The following NR6A1 variants were observed in gnomAD, a reference collection of about 807,000 sequenced individuals.
NR6A1 encodes the protein nuclear receptor subfamily 6 group A member 1, also known as retinoic acid receptor-related testis-associated receptor.
Under a neutral mutation model 59.1 loss-of-function variants are expected in NR6A1, and 7 were observed. That is an observed-to-expected ratio of 0.12 (90% confidence interval 0.07 to 0.22). NR6A1 has a LOEUF of 0.22. Ranked by LOEUF, NR6A1 falls within the 10% of genes least tolerant of loss-of-function variation. NR6A1 has a pLI of 1.00. For missense variants in NR6A1, 468 were observed against 611.6 expected (o/e 0.77, Z 2.48); for synonymous variants, 243 against 236.1 (o/e 1.03, Z -0.27).
At chr9:124,740,605 T>C (rs775701857) in intron 1 of NR6A1, among the ~76,000 whole-genome samples, 1 of 152,184 alleles carries the variant, frequency 6.6e-6, no homozygotes, top group Non-Finnish European at 1.5e-5. Context: ...CATATCATGA[T>C]CAGGACCACT....
At chr9:124,581,410 G>A (rs1420094695) in intron 2 of NR6A1, among the ~76,000 whole-genome samples, 1 of 152,074 alleles carries the variant, frequency 6.6e-6, no homozygotes, top group East Asian at 1.9e-4. Context: ...TGGCCAACAT[G>A]GTGAAACCCC....
At chr9:124,663,995 T>C (rs1009004099) in intron 2 of NR6A1, among the ~76,000 whole-genome samples, 3 of 152,190 alleles carry the variant, frequency 2.0e-5, no homozygotes, top group Non-Finnish European at 4.4e-5. Context: ...CGACCTCCTC[T>C]TGGTGATTAA....
At chr9:124,565,269 A>G (rs1016176371) in intron 2 of NR6A1, among the ~76,000 whole-genome samples, 1 of 152,032 alleles carries the variant, frequency 6.6e-6, no homozygotes, top group Non-Finnish European at 1.5e-5. Flanking sequence ...TCTACTAACA[A>G]TACAAAAATT....
At chr9:124,528,630 G>T (rs1297908851) in intron 7 of NR6A1, among the ~76,000 whole-genome samples, 1 of 152,038 alleles carries the variant, frequency 6.6e-6, no homozygotes, top group Non-Finnish European at 1.5e-5. Context: ...GAGCGTGGGA[G>T]GTTGAGGCTG....
chr9:124,679,054 G>A (rs1305719196), intron 2 of NR6A1, among the ~76,000 whole-genome samples: 2 of 152,138 alleles, frequency 1.3e-5, no homozygotes, highest in Non-Finnish European at 2.9e-5. Flanking sequence ...TAAAAGAAAA[G>A]GCCCCCATTT....
chr9:124,606,865 G>C (rs536598145), intron 2 of NR6A1, among the ~76,000 whole-genome samples: 1 of 152,310 alleles, frequency 6.6e-6, no homozygotes, highest in South Asian at 2.1e-4. Context: ...AGGGGATATT[G>C]CTTCCCTGCT....
At position 124,727,089 on chromosome 9, in the gene NR6A1, CTTGA is replaced by C. The variant is rs1466330336; in HGVS notation, c.142+6215_142+6218del. Among the ~76,000 whole-genome samples, 7 of 150,366 alleles carry C rather than the reference CTTGA, an allele frequency of 4.7e-5. No homozygotes were observed. The South Asian group carries it at 6.4e-4, about 14-fold the overall frequency. On this transcript the variant is annotated intron_variant, in intron 2 of 9. Transcript: ENST00000487099. Reference sequence around the variant, plus strand: ...ATGCTGAATCATTTTTAAATGGGCTCTTGATTAATAGACCTGTATTTTTTAGTGC... The same window carrying C: ...ATGCTGAATCATTTTTAAATGGGCTCTTAATAGACCTGTATTTTTTAGTGC...
At chr9:124,768,961 T>C (rs549218979) in intron 1 of NR6A1, among the ~76,000 whole-genome samples, 1 of 152,254 alleles carries the variant, frequency 6.6e-6, no homozygotes, top group African/African-American at 2.4e-5. Context: ...ATAAGATAGG[T>C]TGGGGTTTGG....
chr9:124,743,329 G>A (rs143822139), intron 1 of NR6A1, among the ~76,000 whole-genome samples: 131 of 152,292 alleles, frequency 8.6e-4, no homozygotes, highest in Middle Eastern at 3.4e-3. Context: ...CAGAAACATA[G>A]CACCACAAGT....
intron 1 of NR6A1, among the ~76,000 whole-genome samples, chr9:124,739,645 A>G (rs1840120220): frequency 6.6e-6 from 1 of 152,196 alleles, no homozygotes; most frequent in Admixed American, 6.5e-5. Context: ...CAAAAAGAAA[A>G]TGATCACTGA....
intron 2 of NR6A1, among the ~76,000 whole-genome samples, chr9:124,586,358 G>A (rs2131474265): frequency 6.6e-6 from 1 of 152,252 alleles, no homozygotes; most frequent in East Asian, 1.9e-4. Flanking sequence ...AGTGGAGGAA[G>A]TAAATGTAGA....
At chr9:124,758,843 C>T (rs1158371264) in intron 1 of NR6A1, among the ~76,000 whole-genome samples, 2 of 152,208 alleles carry the variant, frequency 1.3e-5, no homozygotes, top group South Asian at 2.1e-4. Flanking sequence ...AGTACCACAG[C>T]TATTTGCTTT....
chr9:124,720,660 G>A (rs1332393286), intron 2 of NR6A1, among the ~76,000 whole-genome samples: 1 of 152,122 alleles, frequency 6.6e-6, no homozygotes, highest in African/African-American at 2.4e-5. Context: ...CAAAAACAAA[G>A]TAGCTTCAGG....
chr9:124,660,331 C>T (rs1837390324), intron 2 of NR6A1, among the ~76,000 whole-genome samples: 1 of 152,210 alleles, frequency 6.6e-6, no homozygotes, highest in South Asian at 2.1e-4. Context: ...GGGAATGTTT[C>T]TCCCTCGTAC....
At chr9:124,637,716 C>A (rs1024090985) in intron 2 of NR6A1, among the ~76,000 whole-genome samples, 6 of 151,628 alleles carry the variant, frequency 4.0e-5, no homozygotes, top group African/African-American at 7.3e-5. Flanking sequence ...CATGGTGAAA[C>A]CCCATCTCTA....
chr9:124,519,901 C>CAAAAAAAAAAAA lies in NR6A1; in HGVS notation c.*2792_*2803dup, dbSNP rs10639098. 16 of 23,902 alleles carry CAAAAAAAAAAAA rather than the reference C, an allele frequency of 6.7e-4. No individual in the cohort carries two copies. Among genetic ancestry groups the CAAAAAAAAAAAA allele is most frequent in the African/African-American group, 1.8e-3 (14 of 7,650 alleles). The allele number at this position is 23,902 out of a possible 1,614,324, so 1.5% of individuals were successfully genotyped here. A position where few individuals can be genotyped will look rare whatever the true frequency, so the allele number is the denominator to read the frequency against. On this transcript the variant is annotated 3_prime_UTR_variant, in exon 10 of 10. Coordinates refer to ENST00000487099, the MANE Select transcript of NR6A1 (RefSeq NM_033334.4). ...TGAGCGACAGAGCGAGACTCCGCCT[C>CAAAAAAAAAAAA]AAAAAAAAAAAAAAAAAAAAAAAAA...
At chr9:124,555,741 C>G (rs887402659) in intron 2 of NR6A1, among the ~76,000 whole-genome samples, 1 of 152,194 alleles carries the variant, frequency 6.6e-6, no homozygotes, top group Admixed American at 6.5e-5. Flanking sequence ...GAAAAATTGA[C>G]CTTCTTTACT....
chr9:124,754,737 A>T (rs1156823165), intron 1 of NR6A1, among the ~76,000 whole-genome samples: 2 of 152,196 alleles, frequency 1.3e-5, no homozygotes, highest in Non-Finnish European at 2.9e-5. Flanking sequence ...GTTTTCAATG[A>T]CTTGGATTGT....
intron 2 of NR6A1, among the ~76,000 whole-genome samples, chr9:124,611,418 T>C (rs1047285750): frequency 6.6e-6 from 1 of 151,992 alleles, no homozygotes; most frequent in Non-Finnish European, 1.5e-5. Flanking sequence ...CAAAGACTAC[T>C]CTCCAGTCTT....
Sources: allele counts gnomAD v4.1 joint callset (sites outside exome capture counted in the v4.1 genomes callset), GRCh38; gene constraint gnomAD v4.1.1; transcripts MANE v1.5; gene names NCBI Gene and HGNC (gene_info 2026-07-23, HGNC 2026-07-21).